ANAPC4: variants seen among roughly 807,000 people sequenced by gnomAD.
The protein encoded by ANAPC4 is anaphase promoting complex subunit 4.
Under a neutral mutation model 119.8 loss-of-function variants are expected in ANAPC4, and 63 were observed. The ratio of observed to expected loss-of-function variants is 0.53; its 90% CI spans 0.43 to 0.65. The LOEUF is 0.65. Among genes scored for constraint, ANAPC4 ranks in the 30% least tolerant of loss-of-function variants. The pLI, the probability that ANAPC4 is intolerant of heterozygous loss-of-function variation, is 0.00. For missense variants in ANAPC4, 716 were observed against 945.1 expected, an observed-to-expected ratio of 0.76 and a Z score of 3.18; for synonymous variants, 283 against 318.6, an observed-to-expected ratio of 0.89 and a Z score of 1.19.
chr4:25,416,290 T>C, intron 26 of ANAPC4, 135 bp from the exon 27 acceptor site: 2 of 473,448 alleles, frequency 4.2e-6, no homozygotes, highest in Non-Finnish European at 7.2e-6. Context: ...ACCAATGATA[T>C]ATTTTAAATG....
intron 19 of ANAPC4, 120 bp downstream of exon 19, chr4:25,407,005 A>G (rs2109137726): frequency 1.1e-6 from 1 of 919,364 alleles, no homozygotes; most frequent in Non-Finnish European, 1.6e-6. Flanking sequence ...TACTTTTTTA[A>G]AACTGTTGAA....
At chr4:25,390,596 T>C (rs970573626) in intron 8 of ANAPC4, among the ~76,000 whole-genome samples, 1 of 152,218 alleles carries the variant, frequency 6.6e-6, no homozygotes, top group African/African-American at 2.4e-5. Flanking sequence ...CGTCTCAGTC[T>C]TCTCCATAGC....
Position 25,403,545 on chromosome 4 carries a change from G to GA in ANAPC4, c.1270+528dup, listed in dbSNP as rs199845561. Among the ~76,000 whole-genome samples the GA allele has an allele frequency of 9.5e-4, 143 of 150,302 alleles. 1 individual carries two copies. Among genetic ancestry groups the GA allele is most frequent in the African/African-American group, 3.4e-3 (139 of 41,054 alleles). ...GGTGCTAGATTTTAAAAGTAAAAAA[G>GA]AAAAAAAAATAAGAGTCTCTGTCCT... On this transcript the variant is annotated intron_variant, in intron 17 of 28. Transcript: ENST00000315368.
intron 7 of ANAPC4, 52 bp downstream of exon 7, chr4:25,388,934 A>G: frequency 1.4e-6 from 2 of 1,440,838 alleles, no homozygotes; most frequent in Non-Finnish European, 1.9e-6. Context: ...TTCATATTTG[A>G]GGCAGTTTTC....
At chr4:25,383,738 T>TA (rs1293006328) in intron 4 of ANAPC4, among the ~76,000 whole-genome samples, 1 of 152,214 alleles carries the variant, frequency 6.6e-6, no homozygotes, top group Non-Finnish European at 1.5e-5. Context: ...ACATCATGTC[T>TA]AAAAAAATTA....
chr4:25,407,260 G>A lies in ANAPC4; in HGVS notation c.1431+7G>A. Reference sequence around the variant, plus strand: ...CGTTGAAAGAGTTGGTCAGGTATGGGCTTTGAACTCATTTTAAAACCTTAG... The same window carrying A: ...CGTTGAAAGAGTTGGTCAGGTATGGACTTTGAACTCATTTTAAAACCTTAG... On this transcript the variant is annotated splice_region_variant and intron_variant, in intron 20 of 28. Transcript: ENST00000315368. 6.2e-7 allele frequency: 1 copy of A among 1,600,054 alleles called. No homozygotes were observed. Among genetic ancestry groups the A allele is most frequent in the Non-Finnish European group, 8.5e-7 (1 of 1,174,954 alleles).
intron 4 of ANAPC4, among the ~76,000 whole-genome samples, chr4:25,387,700 CATTT>C (rs1722116023): frequency 6.6e-6 from 1 of 152,150 alleles, no homozygotes; most frequent in Non-Finnish European, 1.5e-5. Flanking sequence ...CTTGCTTACT[CATTT>C]ATTTCCAACC....
In ANAPC4 at chr4:25,396,831, T is replaced by G; in HGVS notation, c.1163-17T>G. 1.2e-6 allele frequency: 2 copies of G among 1,609,662 alleles called. No homozygotes were observed. Among genetic ancestry groups the G allele is most frequent in the Non-Finnish European group, 1.7e-6 (2 of 1,178,722 alleles). ...TACTTATTTGACAAATGACGTTTAT[T>G]TATTTTTTCCCTTTAGAAGCTATAA... On this transcript the variant is annotated splice_polypyrimidine_tract_variant and intron_variant, in intron 15 of 28. Transcript: ENST00000315368.
intron 3 of ANAPC4, among the ~76,000 whole-genome samples, chr4:25,381,988 G>A (rs1228561872): frequency 6.6e-6 from 1 of 152,190 alleles, no homozygotes; most frequent in Non-Finnish European, 1.5e-5. Context: ...AGAGATGACA[G>A]TTGTTTCTGT....
intron 16 of ANAPC4, among the ~76,000 whole-genome samples, chr4:25,400,122 C>A (rs775570247): frequency 6.6e-6 from 1 of 152,158 alleles, no homozygotes; most frequent in Non-Finnish European, 1.5e-5. Context: ...AATATAGCCT[C>A]TTGAGGAGTT....
At position 25,413,633 on chromosome 4, in the gene ANAPC4, G is replaced by C; in HGVS notation, c.1526-12G>C. ...TTCTTTTATTTTTGTTTCTGTTTTT[G>C]TTTGAAACCAGAAAGTCCTTTGCTG... is the stretch of plus-strand genomic sequence containing the variant. On this transcript the variant is annotated splice_polypyrimidine_tract_variant and intron_variant, in intron 21 of 28. Transcript: ENST00000315368. 6.3e-7 allele frequency: 1 copy of C among 1,590,828 alleles called. No homozygotes were observed. The highest frequency in any genetic ancestry group is 8.6e-7 in the Non-Finnish European group (1 of 1,167,958).
intron 22 of ANAPC4, chr4:25,413,980 T>C: frequency 2.1e-6 from 1 of 485,090 alleles, no homozygotes; most frequent in Non-Finnish European, 3.6e-6. Flanking sequence ...TGTTGGCATC[T>C]TGAGTATTTT....
intron 2 of ANAPC4, among the ~76,000 whole-genome samples, chr4:25,379,615 C>T (rs762384173): frequency 6.6e-6 from 1 of 152,166 alleles, no homozygotes; most frequent in Non-Finnish European, 1.5e-5. Context: ...ATATTAATTT[C>T]ATGATGACAC....
intron 21 of ANAPC4, 67 bp from the exon 22 acceptor site, chr4:25,413,578 A>G: frequency 8.0e-7 from 1 of 1,251,930 alleles, no homozygotes; most frequent in South Asian, 1.3e-5. Flanking sequence ...ACAGTAGATT[A>G]TTTTCTTCTA....
intron 2 of ANAPC4, among the ~76,000 whole-genome samples, chr4:25,380,142 A>G (rs930514846): frequency 2.0e-5 from 3 of 152,182 alleles, no homozygotes; most frequent in Non-Finnish European, 4.4e-5. Flanking sequence ...ATAAAAGGTA[A>G]GTCTCCCGTT....
intron 18 of ANAPC4, among the ~76,000 whole-genome samples, chr4:25,406,286 T>A (rs1007719892): frequency 6.6e-6 from 1 of 152,200 alleles, no homozygotes; most frequent in African/African-American, 2.4e-5. Flanking sequence ...ACCAGGAAAG[T>A]TTCACAATAG....
Position 25,407,236 on chromosome 4 carries a change from G to A in ANAPC4, c.1414G>A (p.Val472Ile), listed in dbSNP as rs781603844. ...TAATCGAAAAGGAAAATACTTTAAC[G>A]TTGAAAGAGTTGGTCAGGTATGGGC... ...LYNRKGKYFN[V>I]ERVGQYLKDE... The change falls in exon 20 of 29, where the codon GTT becomes ATT. Residue 472 changes from valine (V) to isoleucine (I), a missense_variant. By Grantham distance (29) the Val-to-Ile change is conservative. This residue lies in a region of ANAPC4 where 504 missense variants were observed against 615.8 expected (regional missense o/e 0.82). Transcript: ENST00000315368. 43 of 1,607,940 alleles carry A rather than the reference G, an allele frequency of 2.7e-5. No homozygotes were observed. Among genetic ancestry groups the A allele is most frequent in the East Asian group, 6.7e-5 (3 of 44,726 alleles).
intron 28 of ANAPC4, 55 bp from the exon 29 acceptor site, chr4:25,418,100 T>C: frequency 6.9e-7 from 1 of 1,451,678 alleles, no homozygotes; most frequent in Non-Finnish European, 9.5e-7. Flanking sequence ...TTCTAATTCT[T>C]TATATATGAT....
At chr4:25,409,661 T>C (rs981080181) in intron 20 of ANAPC4, 37 bp from the exon 21 acceptor site, 3 of 1,465,728 alleles carry the variant, frequency 2.0e-6, no homozygotes, top group Non-Finnish European at 1.9e-6. Flanking sequence ...CCCTTCCAGG[T>C]ATGAATAAAC....
Sources: allele counts gnomAD v4.1 joint callset (sites outside exome capture counted in the v4.1 genomes callset), GRCh38; gene constraint gnomAD v4.1.1; regional missense constraint gnomAD v4.1.1; transcripts MANE v1.5; gene names NCBI Gene and HGNC (gene_info 2026-07-23, HGNC 2026-07-21).